Variants in CDH26 observed in about 807,000 individuals in gnomAD.
CDH26 encodes the protein cadherin-like protein 26.
CDH26 carries 83 observed loss-of-function variants against 90.3 expected under a neutral mutation model. The observed-to-expected ratio is 0.92, with a 90% confidence interval of 0.77 to 1.10. The LOEUF (loss-of-function observed/expected upper bound fraction) is 1.10. Among genes scored for constraint, CDH26 ranks in the 50% least tolerant of loss-of-function variants. CDH26 has a pLI of 0.00. For synonymous variants in CDH26, 397 were observed against 396.3 expected (o/e 1.00, Z -0.02); for missense variants, 1,013 against 1,037.6 (o/e 0.98, Z 0.33).
chr20:60,011,524 T>C (rs1188982417), intron 17 of CDH26, among the ~76,000 whole-genome samples: 1 of 152,212 alleles, frequency 6.6e-6, no homozygotes, highest in African/African-American at 2.4e-5. Context: ...GTCAGTGAAC[T>C]TCCTATAAAG....
Position 59,989,061 on chromosome 20 carries a change from C to CA in CDH26, c.1182dup (p.Ala395SerfsTer11). 1 of 1,614,190 alleles carries CA rather than the reference C, an allele frequency of 6.2e-7. No individual in the cohort carries two copies. Among genetic ancestry groups the CA allele is most frequent in the Non-Finnish European group, 8.5e-7 (1 of 1,180,048 alleles). ...CAGGTGACAGACGCCAACGACCCAC[C>CA]AGCCTTTCACCCCCAGAGCTTCATT... On this transcript the variant is annotated frameshift_variant, in exon 9 of 18. Coordinates refer to ENST00000348616, the MANE Select transcript of CDH26 (RefSeq NM_177980.4). LOFTEE classifies it high-confidence loss of function.
At chr20:59,990,242 T>C (rs1219114430) in intron 9 of CDH26, among the ~76,000 whole-genome samples, 2 of 152,254 alleles carry the variant, frequency 1.3e-5, no homozygotes, top group Admixed American at 6.5e-5. Flanking sequence ...ACATTTTTGT[T>C]TACCCACTCA....
chr20:60,029,672 T>C (rs2062026092), intron 7 of CDH26, among the ~76,000 whole-genome samples: 1 of 152,046 alleles, frequency 6.6e-6, no homozygotes, highest in Non-Finnish European at 1.5e-5. Flanking sequence ...TGTGTGATGT[T>C]CCCCTCCCTG....
At chr20:60,009,798 G>T (rs1036495249) in intron 17 of CDH26, among the ~76,000 whole-genome samples, 2 of 152,106 alleles carry the variant, frequency 1.3e-5, no homozygotes, top group African/African-American at 4.8e-5. Flanking sequence ...ACCCAGCACA[G>T]CCCCCACTGC....
chr20:59,995,864 C>A lies in CDH26; in HGVS notation c.1698C>A (p.Ser566Arg), dbSNP rs770765485. The change falls in exon 12 of 18, where the codon AGC becomes AGA. Residue 566 changes from serine (S) to arginine (R), a missense_variant. Coordinates refer to ENST00000348616, the MANE Select transcript of CDH26 (RefSeq NM_177980.4). Reference sequence around the variant, plus strand: ...CAGTTGAACTTTTAACCTTGAGAAGCCTGCCACGTGGTAATTACTTGGTGC... The same window carrying A: ...CAGTTGAACTTTTAACCTTGAGAAGACTGCCACGTGGTAATTACTTGGTGC... ...GQSVELLTLR[S>R]LPRGNYLVPL... The A allele has an allele frequency of 6.2e-7, 1 of 1,614,212 alleles. No individual in the cohort carries two copies. The highest frequency in any genetic ancestry group is 1.6e-4 in the Middle Eastern group (1 of 6,062).
rs370605957 is a variant in CDH26, at chr20:59,996,769, A to T, written c.2019+8A>T. 18 of 1,614,256 alleles carry T rather than the reference A, an allele frequency of 1.1e-5. No individual in the cohort carries two copies. The highest frequency in any genetic ancestry group is 1.4e-5 in the Non-Finnish European group (17 of 1,180,050). ...AAAGGCACTTCAGCCCAGGTAGTGG[A>T]ATGTCATGCTTTGTGTCTTATGGCA... On this transcript the variant is annotated splice_region_variant and intron_variant, in intron 13 of 17. Coordinates refer to ENST00000348616, the MANE Select transcript of CDH26 (RefSeq NM_177980.4).
intron 7 of CDH26, among the ~76,000 whole-genome samples, chr20:60,026,800 AT>A (rs1405176874): frequency 1.3e-5 from 2 of 152,180 alleles, no homozygotes; most frequent in African/African-American, 4.8e-5. Flanking sequence ...TGTAGGGTAA[AT>A]TTATGCTGCT....
intron 4 of CDH26, among the ~76,000 whole-genome samples, chr20:59,975,701 G>A (rs529040400): frequency 6.6e-6 from 1 of 152,214 alleles, no homozygotes; most frequent in Non-Finnish European, 1.5e-5. Flanking sequence ...TCCTGTAAGA[G>A]AGCGTTTATT....
chr20:60,006,660 G>C, intron 16 of CDH26, 53 bp from the exon 17 acceptor site: 1 of 1,325,110 alleles, frequency 7.5e-7, no homozygotes, highest in South Asian at 1.2e-5. Context: ...CAGGGGTTGG[G>C]GGGTAGGACA....
chr20:59,999,447 A>G (rs994128132), intron 13 of CDH26, 139 bp from the exon 14 acceptor site: 6 of 625,840 alleles, frequency 9.6e-6, no homozygotes, highest in African/African-American at 7.4e-5. Flanking sequence ...GGAGAGGTGT[A>G]TTTTTTACAG....
intron 11 of CDH26, 74 bp from the exon 12 acceptor site, chr20:59,995,759 G>A (rs1176472050): frequency 2.0e-5 from 28 of 1,382,200 alleles, no homozygotes; most frequent in East Asian, 1.8e-4. Context: ...CGTGCAGGGC[G>A]TTCAGTAAGC....
At chr20:59,967,890 T>TC (rs1569024391) in intron 1 of CDH26, among the ~76,000 whole-genome samples, 16 of 126,952 alleles carry the variant, frequency 1.3e-4, no homozygotes, top group African/African-American at 5.1e-4. Context: ...CCTTCCTTCC[T>TC]TCCTTCCTTC....
intron 8 of CDH26, 66 bp from the exon 9 acceptor site, chr20:59,988,838 G>C: frequency 1.9e-6 from 3 of 1,564,296 alleles, no homozygotes; most frequent in Non-Finnish European, 2.6e-6. Flanking sequence ...ATGATGACTC[G>C]GCGCTGGGCT....
intron 7 of CDH26, among the ~76,000 whole-genome samples, chr20:60,027,721 C>T (rs905900070): frequency 1.3e-5 from 2 of 152,136 alleles, no homozygotes; most frequent in East Asian, 1.9e-4. Context: ...TGAAAATGGT[C>T]GGTGCTGCCC....
chr20:59,987,605 T>G lies in CDH26; in HGVS notation c.990T>G (p.Pro330=). Reference sequence around the variant, plus strand: ...GGCATTTTGACATTTCGACTGACCCTGAGACCAACGAAGGGATATTAAATG... The same window carrying G: ...GGCATTTTGACATTTCGACTGACCCGGAGACCAACGAAGGGATATTAAATG... ...EEGHFDISTD[P]ETNEGILNVI... Residue 330 remains proline, a synonymous_variant, in exon 8 of 18, where the codon CCT becomes CCG. Coordinates refer to ENST00000348616, the MANE Select transcript of CDH26 (RefSeq NM_177980.4). 6.2e-7 allele frequency: 1 copy of G among 1,613,608 alleles called. No individual in the cohort carries two copies.
intron 17 of CDH26, 120 bp from the exon 18 acceptor site, chr20:60,012,407 G>A (rs968955404): frequency 5.8e-6 from 5 of 855,530 alleles, no homozygotes; most frequent in African/African-American, 1.7e-5. Flanking sequence ...GTCAGCTGAG[G>A]ACACGGGGCC....
At chr20:59,962,763 G>C (rs1364023269) in intron 1 of CDH26, among the ~76,000 whole-genome samples, 4 of 152,314 alleles carry the variant, frequency 2.6e-5, no homozygotes, top group Non-Finnish European at 4.4e-5. Flanking sequence ...TTAGCTGTTT[G>C]GGGTGGAGGC....
downstream of CDH26, among the ~76,000 whole-genome samples, chr20:60,018,226 T>C (rs2146028753): frequency 6.6e-6 from 1 of 152,254 alleles, no homozygotes; most frequent in South Asian, 2.1e-4. Context: ...TATTATTGTA[T>C]TGGGGCTTAT....
intron 16 of CDH26, among the ~76,000 whole-genome samples, chr20:60,004,591 C>A (rs964779627): frequency 6.6e-6 from 1 of 151,688 alleles, no homozygotes; most frequent in South Asian, 2.1e-4. Flanking sequence ...ATGGTGAAAC[C>A]CTGTCTTTAC....
Sources: gnomAD v4.1 joint callset for allele counts (sites outside exome capture counted in the v4.1 genomes callset) on GRCh38, gnomAD v4.1.1 for gene constraint, MANE v1.5 for transcripts, NCBI Gene and HGNC (gene_info 2026-07-23, HGNC 2026-07-21) for gene names.